The following NBEA variants were observed in gnomAD, a reference collection of about 807,000 sequenced individuals.
NBEA encodes the protein neurobeachin, also known as lysosomal-trafficking regulator 2.
In NBEA, 44 loss-of-function variants were observed where a neutral mutation model predicts 343.4. The ratio of observed to expected loss-of-function variants is 0.13; its 90% confidence interval spans 0.10 to 0.16. NBEA has a LOEUF of 0.16. NBEA is among the 10% of genes least tolerant of loss of function. The pLI, the probability that NBEA is intolerant of heterozygous loss-of-function variation, is 1.00. For synonymous variants in NBEA, 1,175 were observed against 1,238.7 expected, an observed-to-expected ratio of 0.95 and a Z score of 1.08; for missense variants, 2,555 against 3,631.3, an observed-to-expected ratio of 0.70 and a Z score of 7.62.
At chr13:35,198,744 A>C (rs546994576) in intron 31 of NBEA, among the ~76,000 whole-genome samples, 1 of 152,014 alleles carries the variant, frequency 6.6e-6, no homozygotes, top group Admixed American at 6.6e-5. Flanking sequence ...GTAAATGATG[A>C]GGTGATATTG....
At chr13:35,052,522 G>A (rs2063101018) in intron 6 of NBEA, among the ~76,000 whole-genome samples, 1 of 151,708 alleles carries the variant, frequency 6.6e-6, no homozygotes, top group South Asian at 2.1e-4. Flanking sequence ...TACTGGTTGT[G>A]TCTTTCTTTT....
intron 47 of NBEA, among the ~76,000 whole-genome samples, chr13:35,597,682 G>A (rs1295796578): frequency 2.0e-5 from 3 of 152,158 alleles, no homozygotes; most frequent in Non-Finnish European, 4.4e-5. Context: ...CAGGTAAAGA[G>A]GAAGCCAGTA....
intron 36 of NBEA, among the ~76,000 whole-genome samples, chr13:35,319,480 T>C (rs2037983846): frequency 6.6e-6 from 1 of 152,230 alleles, no homozygotes; most frequent in Non-Finnish European, 1.5e-5. Flanking sequence ...ATATCCATTC[T>C]TTTGCATTGG....
chr13:35,150,633 G>T (rs1388186986), intron 18 of NBEA, among the ~76,000 whole-genome samples: 1 of 152,134 alleles, frequency 6.6e-6, no homozygotes, highest in East Asian at 1.9e-4. Flanking sequence ...ATAATCCAGA[G>T]TTTGAAATGT....
intron 45 of NBEA, among the ~76,000 whole-genome samples, chr13:35,580,928 C>G (rs552984230): frequency 6.6e-6 from 1 of 152,160 alleles, no homozygotes; most frequent in African/African-American, 2.4e-5. Flanking sequence ...TTTTCCTTTT[C>G]CAGAAGTGTA....
At chr13:35,076,229 CTTTG>C (rs1039805604) in intron 10 of NBEA, among the ~76,000 whole-genome samples, 49 of 151,782 alleles carry the variant, frequency 3.2e-4, no homozygotes, top group Non-Finnish European at 5.9e-4. Context: ...ATTCATATCA[CTTTG>C]TTTGCCTTTA....
intron 18 of NBEA, among the ~76,000 whole-genome samples, chr13:35,154,602 A>C (rs777057087): frequency 2.8e-4 from 43 of 152,186 alleles, no homozygotes; most frequent in Non-Finnish European, 4.1e-4. Context: ...ATATTTACTG[A>C]ATGCTGTTGT....
At chr13:35,221,342 C>A (rs76079604) in intron 33 of NBEA, among the ~76,000 whole-genome samples, 25 of 137,686 alleles carry the variant, frequency 1.8e-4, no homozygotes, top group South Asian at 4.6e-4. Context: ...GACACTATTT[C>A]AAAAAAAAAA....
chr13:35,298,357 G>A (rs574967176), intron 35 of NBEA, among the ~76,000 whole-genome samples: 1 of 151,090 alleles, frequency 6.6e-6, no homozygotes, highest in African/African-American at 2.4e-5. Context: ...TTATGTGTCA[G>A]AGATTCTTGT....
At chr13:35,309,008 T>C (rs1295968175) in intron 35 of NBEA, among the ~76,000 whole-genome samples, 1 of 152,006 alleles carries the variant, frequency 6.6e-6, no homozygotes, top group African/African-American at 2.4e-5. Context: ...TTGTAACTTT[T>C]TTCTAATTAG....
At chr13:35,407,389 A>G (rs2043326992) in intron 38 of NBEA, among the ~76,000 whole-genome samples, 1 of 152,150 alleles carries the variant, frequency 6.6e-6, no homozygotes, top group Non-Finnish European at 1.5e-5. Context: ...AAAAAGCAAC[A>G]GCTAAATTTT....
At chr13:35,132,442 G>GAGCCACTGTGCCC in intron 17 of NBEA, among the ~76,000 whole-genome samples, 1 of 152,268 alleles carries the variant, frequency 6.6e-6, no homozygotes, top group South Asian at 2.1e-4. Flanking sequence ...TTACAGGCGT[G>GAGCCACTGTGCCC]AGCCACTGTG....
At chr13:35,020,184 A>T (rs2061789377) in intron 1 of NBEA, among the ~76,000 whole-genome samples, 1 of 152,124 alleles carries the variant, frequency 6.6e-6, no homozygotes, top group Admixed American at 6.5e-5. Context: ...GCTATATCTA[A>T]TAAATTTTGA....
chr13:35,552,591 T>G (rs886334540), intron 43 of NBEA, among the ~76,000 whole-genome samples: 1 of 152,214 alleles, frequency 6.6e-6, no homozygotes, highest in African/African-American at 2.4e-5. Context: ...ACTATTTGTT[T>G]AATCATCAAT....
chr13:35,038,935 T>C (rs1247233158), intron 1 of NBEA, among the ~76,000 whole-genome samples: 2 of 152,130 alleles, frequency 1.3e-5, no homozygotes. Context: ...CACTAGGACT[T>C]ACCTATGAGG....
intron 37 of NBEA, among the ~76,000 whole-genome samples, chr13:35,351,386 G>T (rs537732059): frequency 1.5e-4 from 22 of 151,704 alleles, no homozygotes; most frequent in Non-Finnish European, 3.1e-4. Flanking sequence ...TATAATTAAA[G>T]AAATATTTCT....
chr13:35,602,297 A>G (rs1340759164), intron 47 of NBEA, among the ~76,000 whole-genome samples: 2 of 152,236 alleles, frequency 1.3e-5, no homozygotes. Context: ...AACTTTAAAT[A>G]AAACTTGCTA....
At chr13:35,618,458 G>C (rs955479692) in intron 48 of NBEA, among the ~76,000 whole-genome samples, 2 of 152,088 alleles carry the variant, frequency 1.3e-5, no homozygotes, top group Admixed American at 1.3e-4. Flanking sequence ...TGTTGTTTAA[G>C]TTATGGACAA....
intron 45 of NBEA, among the ~76,000 whole-genome samples, chr13:35,581,285 T>C (rs974934539): frequency 6.6e-6 from 1 of 151,980 alleles, no homozygotes; most frequent in Admixed American, 6.6e-5. Context: ...CAGCACCTGT[T>C]GTTTCCTGAC....
Sources: gnomAD v4.1 joint callset for allele counts (sites outside exome capture counted in the v4.1 genomes callset) on GRCh38, gnomAD v4.1.1 for gene constraint, MANE v1.5 for transcripts, NCBI Gene and HGNC (gene_info 2026-07-23, HGNC 2026-07-21) for gene names.